Variants in SBF2 observed in about 807,000 individuals in gnomAD.
SBF2 encodes myotubularin-related protein 13.
SBF2 carries 112 observed loss-of-function variants against 225.2 expected under a neutral mutation model. That is an observed-to-expected ratio of 0.50 (90% CI 0.43 to 0.58). The LOEUF (loss-of-function observed/expected upper bound fraction) is 0.58, where lower values mean the gene tolerates loss of function less well. Ranked by LOEUF, SBF2 falls within the 20% of genes least tolerant of loss-of-function variation. SBF2 has a pLI of 0.00. For missense variants in SBF2, 1,996 were observed against 2,206.2 expected (o/e 0.90, Z 1.91); for synonymous variants, 763 against 773.3 (o/e 0.99, Z 0.22).
chr11:9,997,156 C>G (rs1947740570), intron 9 of SBF2, among the ~76,000 whole-genome samples: 1 of 152,072 alleles, frequency 6.6e-6, no homozygotes, highest in African/African-American at 2.4e-5. Context: ...TAATCCTAGG[C>G]TTCTAAGTTT....
intron 33 of SBF2, among the ~76,000 whole-genome samples, chr11:9,794,058 C>T (rs978823774): frequency 2.0e-5 from 3 of 152,140 alleles, no homozygotes; most frequent in African/African-American, 7.2e-5. Flanking sequence ...GGGCACATGC[C>T]TGTGGTCCCA....
intron 13 of SBF2, among the ~76,000 whole-genome samples, chr11:9,974,203 A>C (rs1335475900): frequency 6.6e-6 from 1 of 152,160 alleles, no homozygotes; most frequent in Non-Finnish European, 1.5e-5. Context: ...CCTTAATACA[A>C]GTAGATGACT....
At chr11:9,885,251 C>CAAAAAA (rs71453937) in intron 17 of SBF2, among the ~76,000 whole-genome samples, 13 of 38,260 alleles carry the variant, frequency 3.4e-4, no homozygotes, top group South Asian at 1.7e-3. Context: ...ACTTTTCCTC[C>CAAAAAA]AAAAAAAAAA....
intron 13 of SBF2, among the ~76,000 whole-genome samples, chr11:9,976,309 T>C (rs1946680653): frequency 6.6e-6 from 1 of 152,102 alleles, no homozygotes; most frequent in African/African-American, 2.4e-5. Context: ...CCTGACCTCA[T>C]GATCTGCCCG....
intron 32 of SBF2, among the ~76,000 whole-genome samples, chr11:9,801,747 T>G (rs1390812855): frequency 6.6e-6 from 1 of 152,242 alleles, no homozygotes. Context: ...TTTGCCAGTT[T>G]GCAGTTGAAT....
chr11:10,191,652 G>A lies in SBF2; in HGVS notation c.141+2250C>T, dbSNP rs1957177153. 1.3e-5 allele frequency among the ~76,000 whole-genome samples: 2 copies of A among 152,120 alleles called. 1 individual carries two copies. The highest frequency in any genetic ancestry group is 4.1e-4 in the South Asian group (2 of 4,830). On this transcript the variant is annotated intron_variant, in intron 2 of 39. Transcript: ENST00000256190. Reference sequence around the variant, plus strand: ...AGTCATCTAGGAAAATCTTAGGGAGGAAAAGTTCTGTCTAACTCTTAGCAC... The same window carrying A: ...AGTCATCTAGGAAAATCTTAGGGAGAAAAAGTTCTGTCTAACTCTTAGCAC...
chr11:9,898,136 A>G (rs1436842467), intron 16 of SBF2, among the ~76,000 whole-genome samples: 2 of 152,146 alleles, frequency 1.3e-5, no homozygotes, highest in Admixed American at 6.5e-5. Context: ...ATCTTTGCCT[A>G]TTTCAAACTA....
chr11:10,277,132 CAAAAAAAAAAAAAA>C (rs11310738), intron 1 of SBF2, among the ~76,000 whole-genome samples: 1 of 73,524 alleles, frequency 1.4e-5, no homozygotes, highest in Non-Finnish European at 2.5e-5. Flanking sequence ...GACCCCATCT[CAAAAAAAAAAAAAA>C]AAAAAAAAAA....
At chr11:9,803,417 A>G (rs938605830) in intron 32 of SBF2, among the ~76,000 whole-genome samples, 1 of 152,186 alleles carries the variant, frequency 6.6e-6, no homozygotes, top group African/African-American at 2.4e-5. Context: ...ATACCACTTA[A>G]GGGGTACTCA....
upstream of SBF2, among the ~76,000 whole-genome samples, chr11:10,296,904 G>A (rs531379673): frequency 3.9e-5 from 6 of 152,252 alleles, no homozygotes; most frequent in South Asian, 1.2e-3. Context: ...AGCTATCTTA[G>A]TGTGAAGTGA....
Position 9,965,112 on chromosome 11 carries a change from A to C in SBF2, c.1601-1230T>G, listed in dbSNP as rs560479941. 3.9e-5 allele frequency among the ~76,000 whole-genome samples: 6 copies of C among 152,234 alleles called. No individual in the cohort carries two copies. The South Asian group carries it at 1.2e-3, about 32-fold the overall frequency. ...ATTATTTAGCTCCCATTTATAAGTG[A>C]GAATAGTATCAATGGTTCTCAAGCC... is the stretch of plus-strand genomic sequence containing the variant. On this transcript the variant is annotated intron_variant, in intron 14 of 39. Transcript: ENST00000256190.
chr11:10,090,490 C>T (rs969138755), intron 2 of SBF2, among the ~76,000 whole-genome samples: 7 of 152,068 alleles, frequency 4.6e-5, no homozygotes, highest in African/African-American at 1.4e-4. Context: ...AGACGCTGGG[C>T]GCAGTGGCTC....
chr11:9,806,393 CAAGAT>C (rs61392694), intron 32 of SBF2, among the ~76,000 whole-genome samples: 2,590 of 152,230 alleles, frequency 0.017, 62 homozygotes, highest in African/African-American at 0.047. Flanking sequence ...AATAAAAAAG[CAAGAT>C]AAGAAGTGCT....
At chr11:9,804,776 C>A (rs1386093447) in intron 32 of SBF2, among the ~76,000 whole-genome samples, 1 of 152,206 alleles carries the variant, frequency 6.6e-6, no homozygotes, top group Non-Finnish European at 1.5e-5. Context: ...ATAAATATTT[C>A]ATTCCCTTTG....
intron 2 of SBF2, among the ~76,000 whole-genome samples, chr11:10,137,534 T>A (rs539949608): frequency 6.6e-6 from 1 of 152,364 alleles, no homozygotes; most frequent in African/African-American, 2.4e-5. Flanking sequence ...TTCGGCTTTC[T>A]GTAGCTGTTC....
chr11:9,827,001 C>A (rs1340835133), intron 28 of SBF2, among the ~76,000 whole-genome samples: 2 of 152,022 alleles, frequency 1.3e-5, no homozygotes, highest in East Asian at 3.9e-4. Context: ...CCACGCCTGG[C>A]TAATTTTAGT....
At chr11:9,812,072 C>T (rs1324859473) in intron 30 of SBF2, among the ~76,000 whole-genome samples, 1 of 151,862 alleles carries the variant, frequency 6.6e-6, no homozygotes, top group Non-Finnish European at 1.5e-5. Context: ...TGGGGGCATC[C>T]AGTGTGCCTT....
chr11:10,215,252 GA>G (rs941311131), intron 1 of SBF2, among the ~76,000 whole-genome samples: 1 of 151,444 alleles, frequency 6.6e-6, no homozygotes, highest in South Asian at 2.1e-4. Context: ...AGCCTATAGG[GA>G]AAAAAAAATT....
At chr11:10,209,609 C>T (rs1957863928) in intron 1 of SBF2, among the ~76,000 whole-genome samples, 1 of 151,940 alleles carries the variant, frequency 6.6e-6, no homozygotes, top group South Asian at 2.1e-4. Flanking sequence ...TGTTTGTACC[C>T]CCTATTAAGC....
Sources: allele counts gnomAD v4.1 joint callset (sites outside exome capture counted in the v4.1 genomes callset), GRCh38; gene constraint gnomAD v4.1.1; transcripts MANE v1.5; gene names NCBI Gene and HGNC (gene_info 2026-07-23, HGNC 2026-07-21).